CSMD1: variants seen among roughly 807,000 people sequenced by gnomAD.
CSMD1 encodes CUB and Sushi multiple domains 1, also known as CUB and sushi domain-containing protein 1.
A neutral mutation model predicts 417.5 loss-of-function variants in CSMD1; 213 were observed. The ratio of observed to expected loss-of-function variants is 0.51; its 90% confidence interval spans 0.46 to 0.57. The LOEUF is 0.57. CSMD1 is among the 20% of genes least tolerant of loss of function. The probability of loss-of-function intolerance (pLI) is 0.00; values close to 1 mark genes in which losing one functional copy is unlikely to be tolerated. For synonymous variants in CSMD1, 2,862 were observed against 1,736.8 expected, an observed-to-expected ratio of 1.65 and a Z score of -16.11; for missense variants, 6,923 against 4,529.7, an observed-to-expected ratio of 1.53 and a Z score of -15.17.
intron 7 of CSMD1, among the ~76,000 whole-genome samples, chr8:3,660,949 C>G (rs1436672732): frequency 6.6e-6 from 1 of 152,172 alleles, no homozygotes; most frequent in East Asian, 1.9e-4. Flanking sequence ...ACACACAAGA[C>G]TGACAGGTGT....
At chr8:3,276,803 C>A (rs376158505) in intron 26 of CSMD1, among the ~76,000 whole-genome samples, 12 of 151,998 alleles carry the variant, frequency 7.9e-5, no homozygotes, top group African/African-American at 2.9e-4. Context: ...CATTTATGCA[C>A]GTGGAAAATT....
intron 2 of CSMD1, among the ~76,000 whole-genome samples, chr8:4,573,151 T>G (rs1352105444): frequency 6.6e-6 from 1 of 152,200 alleles, no homozygotes; most frequent in Non-Finnish European, 1.5e-5. Context: ...TGTCCCGTTG[T>G]GTTCCCTTGC....
chr8:4,752,953 G>C (rs1811428200), intron 1 of CSMD1, among the ~76,000 whole-genome samples: 1 of 152,158 alleles, frequency 6.6e-6, no homozygotes, highest in African/African-American at 2.4e-5. Flanking sequence ...TCACAGCAGA[G>C]CCAAAGAAAA....
At chr8:4,584,890 G>C (rs1479630141) in intron 2 of CSMD1, among the ~76,000 whole-genome samples, 2 of 152,208 alleles carry the variant, frequency 1.3e-5, no homozygotes, top group Admixed American at 6.5e-5. Context: ...GATTGCATTG[G>C]ATTGGATTAA....
chr8:3,641,856 G>C (rs572317856), intron 7 of CSMD1, among the ~76,000 whole-genome samples: 23 of 152,258 alleles, frequency 1.5e-4, no homozygotes, highest in Admixed American at 9.2e-4. Flanking sequence ...TCCTATTATT[G>C]GTACAGCTAA....
chr8:4,699,044 A>G (rs188654015), intron 1 of CSMD1, among the ~76,000 whole-genome samples: 3 of 152,136 alleles, frequency 2.0e-5, no homozygotes, highest in Admixed American at 6.5e-5. Flanking sequence ...AAGCTTGTCC[A>G]CAGTTTTGGG....
At chr8:4,471,772 G>A (rs753652511) in intron 2 of CSMD1, among the ~76,000 whole-genome samples, 7 of 152,096 alleles carry the variant, frequency 4.6e-5, no homozygotes, top group East Asian at 1.9e-4. Flanking sequence ...GCGTCACAAA[G>A]GAGACTGAGG....
intron 3 of CSMD1, among the ~76,000 whole-genome samples, chr8:4,364,505 C>T (rs1043721406): frequency 2.0e-5 from 3 of 152,158 alleles, no homozygotes; most frequent in African/African-American, 7.2e-5. Context: ...GAAGACTCTA[C>T]ATTGTCAGTT....
chr8:4,636,444 G>A (rs957789950), intron 2 of CSMD1, among the ~76,000 whole-genome samples: 1 of 152,112 alleles, frequency 6.6e-6, no homozygotes, highest in African/African-American at 2.4e-5. Flanking sequence ...TCCAAAGAAT[G>A]CAATAGCCCT....
Position 3,588,283 on chromosome 8 carries a change from T to C in CSMD1, c.1098-2023A>G, listed in dbSNP as rs914159907. On this transcript the variant is annotated intron_variant, in intron 8 of 69. Transcript: ENST00000635120. The stretch of plus-strand genomic sequence containing the variant: ...CCACAATCTCATATAGATAACATAA[T>C]AGTTAAGAAAGAAAAAAATAACCAA... 8.6e-5 allele frequency among the ~76,000 whole-genome samples: 13 copies of C among 151,568 alleles called. No individual in the cohort carries two copies. The South Asian group carries it at 2.1e-3, about 25-fold the overall frequency.
In CSMD1 at chr8:4,139,460, C is replaced by T. The variant is rs28585572; in HGVS notation, c.416-107361G>A. Among the ~76,000 whole-genome samples, 1,338 of 144,686 alleles carry T rather than the reference C, an allele frequency of 9.2e-3. 116 individuals are homozygous for T. Among genetic ancestry groups the T allele is most frequent in the African/African-American group, 0.037 (1,272 of 34,494 alleles). The allele number at this position is 144,686 out of a possible 152,430, so 94.9% of individuals were successfully genotyped here. On this transcript the variant is annotated intron_variant, in intron 3 of 69. Transcript: ENST00000635120. ...GAAGACTCTATGCCTGCCCTGGAGG[C>T]GTGGACAGTCCAGTGAGGAAGGTGG...
intron 7 of CSMD1, among the ~76,000 whole-genome samples, chr8:3,651,340 AC>A (rs1178331798): frequency 6.6e-6 from 1 of 151,674 alleles, no homozygotes; most frequent in Non-Finnish European, 1.5e-5. Context: ...TCTAGTCCCC[AC>A]CCCCACACAC....
chr8:3,985,992 G>A (rs1814293494), intron 5 of CSMD1, among the ~76,000 whole-genome samples: 1 of 151,454 alleles, frequency 6.6e-6, no homozygotes, highest in Non-Finnish European at 1.5e-5. Flanking sequence ...TCCCATTTAA[G>A]CCAGGCCCCA....
chr8:4,213,431 G>C (rs1019519423), intron 3 of CSMD1, among the ~76,000 whole-genome samples: 18 of 152,142 alleles, frequency 1.2e-4, no homozygotes, highest in African/African-American at 4.1e-4. Context: ...TATGGTAATA[G>C]CTAATATGTG....
At chr8:3,957,114 T>A (rs1003877009) in intron 5 of CSMD1, among the ~76,000 whole-genome samples, 2 of 136,576 alleles carry the variant, frequency 1.5e-5, no homozygotes, top group Non-Finnish European at 3.2e-5. Flanking sequence ...TTCCTCACGT[T>A]CCTGCTCCTA....
chr8:2,953,681 A>G (rs1222148620), intron 65 of CSMD1, among the ~76,000 whole-genome samples: 1 of 152,234 alleles, frequency 6.6e-6, no homozygotes, highest in Non-Finnish European at 1.5e-5. Context: ...ATAGGACTGC[A>G]TCTTTGCGAT....
intron 25 of CSMD1, among the ~76,000 whole-genome samples, chr8:3,297,450 GGTTTTGTA>G (rs1804050621): frequency 6.6e-6 from 1 of 152,024 alleles, no homozygotes; most frequent in Non-Finnish European, 1.5e-5. Context: ...AATTAAGTTA[GGTTTTGTA>G]CTAGATAAGC....
chr8:4,801,834 G>T (rs1482253389), intron 1 of CSMD1, among the ~76,000 whole-genome samples: 1 of 152,144 alleles, frequency 6.6e-6, no homozygotes, highest in South Asian at 2.1e-4. Context: ...AATGACAAAG[G>T]ATAGAATTAT....
chr8:3,239,145 G>C (rs1171748941), intron 26 of CSMD1, among the ~76,000 whole-genome samples: 1 of 152,138 alleles, frequency 6.6e-6, no homozygotes, highest in Non-Finnish European at 1.5e-5. Flanking sequence ...TTTTTAAGTG[G>C]TGGCTGAGCT....
Sources: allele counts gnomAD v4.1 joint callset (sites outside exome capture counted in the v4.1 genomes callset), GRCh38; gene constraint gnomAD v4.1.1; transcripts MANE v1.5; gene names NCBI Gene and HGNC (gene_info 2026-07-23, HGNC 2026-07-21).